The following HSDL2 variants were observed in gnomAD, a reference collection of about 807,000 sequenced individuals.
HSDL2 encodes hydroxysteroid dehydrogenase-like protein 2.
In HSDL2, 27 loss-of-function variants were observed where a neutral mutation model predicts 46.3. The observed-to-expected ratio is 0.58, with a 90% confidence interval of 0.43 to 0.80. The LOEUF (loss-of-function observed/expected upper bound fraction) is 0.80, where lower values mean the gene tolerates loss of function less well. HSDL2 is among the 30% of genes least tolerant of loss of function. HSDL2 has a pLI of 0.00. For missense variants in HSDL2, 451 were observed against 502.7 expected (o/e 0.90, Z 0.98); for synonymous variants, 153 against 163.6 (o/e 0.94, Z 0.50).
intron 10 of HSDL2, among the ~76,000 whole-genome samples, chr9:112,464,543 G>C (rs536485966): frequency 1.3e-5 from 2 of 152,056 alleles, no homozygotes; most frequent in South Asian, 4.2e-4. Flanking sequence ...CCTGTTTCTG[G>C]TATATATAGC....
Position 112,438,416 on chromosome 9 carries a change from G to GTT in HSDL2, c.599-14_599-13insTT. 1 of 1,530,318 alleles carries GTT rather than the reference G, an allele frequency of 6.5e-7. No individual in the cohort carries two copies. The highest frequency in any genetic ancestry group is 2.3e-5 in the East Asian group (1 of 43,050). 94.8% of individuals were successfully genotyped at this position (1,530,318 alleles called of 1,614,324 possible). A position where few individuals can be genotyped will look rare whatever the true frequency, so the allele number is the denominator to read the frequency against. Reference sequence around the variant, plus strand: ...TGGAGTTATGAGTGTATGTGTGTGTGTGTTTTCTCTACAGCCATACACACT... The same window carrying GTT: ...TGGAGTTATGAGTGTATGTGTGTGTGTTTGTTTTCTCTACAGCCATACACACT... On this transcript the variant is annotated splice_polypyrimidine_tract_variant and intron_variant, in intron 6 of 10. Transcript: ENST00000398805.
intron 2 of HSDL2, among the ~76,000 whole-genome samples, chr9:112,405,261 A>G (rs993342980): frequency 5.3e-5 from 8 of 152,168 alleles, no homozygotes; most frequent in Non-Finnish European, 8.8e-5. Flanking sequence ...CTGAGGTGGG[A>G]GGATCCTTTG....
chr9:112,429,135 G>A (rs1396882433), intron 6 of HSDL2, among the ~76,000 whole-genome samples: 18 of 152,212 alleles, frequency 1.2e-4, no homozygotes, highest in African/African-American at 4.3e-4. Context: ...CTGACCTTAG[G>A]AGATCTGCCT....
intron 1 of HSDL2, among the ~76,000 whole-genome samples, chr9:112,391,841 G>C (rs983278365): frequency 6.6e-6 from 1 of 150,388 alleles, no homozygotes; most frequent in African/African-American, 2.5e-5. Context: ...GGAGGTGGAG[G>C]TTGCAGTGAG....
rs755898296 is a variant in HSDL2, at chr9:112,450,260, C to CG, written c.866-3753_866-3752insG. ...GCCTGGGCAACATAGCGAGACCCCCCCCCCATCTCTACCAATAGAAAAAAA... is the reference window on the plus strand; with the variant it reads ...GCCTGGGCAACATAGCGAGACCCCCCGCCCCATCTCTACCAATAGAAAAAAA... On this transcript the variant is annotated intron_variant, in intron 8 of 10. Coordinates refer to ENST00000398805, the MANE Select transcript of HSDL2 (RefSeq NM_032303.5). Among the ~76,000 whole-genome samples the CG allele has an allele frequency of 3.7e-4, 5 of 13,634 alleles. 1 individual carries two copies. Among genetic ancestry groups the CG allele is most frequent in the African/African-American group, 1.6e-3 (3 of 1,930 alleles). 8.9% of individuals were successfully genotyped at this position (13,634 alleles called of 152,430 possible).
At chr9:112,464,241 C>T (rs1048860107) in intron 10 of HSDL2, among the ~76,000 whole-genome samples, 1 of 45,504 alleles carries the variant, frequency 2.2e-5, no homozygotes, top group Non-Finnish European at 4.4e-5. Context: ...CACACACACA[C>T]ACACACACAC....
chr9:112,394,181 T>G (rs1286368468), intron 1 of HSDL2, among the ~76,000 whole-genome samples: 1 of 152,014 alleles, frequency 6.6e-6, no homozygotes, highest in Non-Finnish European at 1.5e-5. Context: ...GGGGTGGTAG[T>G]GGGGACAACA....
rs540071155 is a variant in HSDL2, at chr9:112,401,249, C to T, written c.18-2746C>T. The stretch of plus-strand genomic sequence containing the variant: ...AGCCAAGGCAGGAGGATCGCTTGAG[C>T]CCAGTTCAAGACCAACCTGGGTGAC... On this transcript the variant is annotated intron_variant, in intron 1 of 10. Coordinates refer to ENST00000398805, the MANE Select transcript of HSDL2 (RefSeq NM_032303.5). Among the ~76,000 whole-genome samples, 30 of 152,004 alleles carry T rather than the reference C, an allele frequency of 2.0e-4. No homozygotes were observed. The South Asian group carries it at 6.0e-3, about 30-fold the overall frequency.
intron 1 of HSDL2, among the ~76,000 whole-genome samples, chr9:112,399,591 A>G (rs575901282): frequency 3.3e-5 from 5 of 152,318 alleles, no homozygotes; most frequent in African/African-American, 1.2e-4. Flanking sequence ...TCTCAACTGC[A>G]TAAGACAGAC....
At chr9:112,380,647 TGG>T (rs2132579501) in intron 1 of HSDL2, among the ~76,000 whole-genome samples, 1 of 152,194 alleles carries the variant, frequency 6.6e-6, no homozygotes. Flanking sequence ...TCTTAAAACA[TGG>T]GTATCTTTGG....
chr9:112,412,830 G>T (rs1388655408), intron 4 of HSDL2, among the ~76,000 whole-genome samples: 1 of 152,114 alleles, frequency 6.6e-6, no homozygotes, highest in Non-Finnish European at 1.5e-5. Flanking sequence ...CAGACCAGGT[G>T]GGGTGGCTCA....
intron 4 of HSDL2, among the ~76,000 whole-genome samples, chr9:112,415,261 A>G (rs957489550): frequency 3.3e-5 from 5 of 152,230 alleles, no homozygotes; most frequent in African/African-American, 7.2e-5. Context: ...TACAGTTCCA[A>G]TGTAGTAGAA....
At chr9:112,433,461 C>T (rs1832452727) in intron 6 of HSDL2, among the ~76,000 whole-genome samples, 2 of 152,000 alleles carry the variant, frequency 1.3e-5, no homozygotes, top group African/African-American at 4.8e-5. Flanking sequence ...AGTGGAGAGC[C>T]ACTGAAGAAT....
chr9:112,459,439 A>C lies in HSDL2; in HGVS notation c.1016-10A>C, dbSNP rs781433960. On this transcript the variant is annotated splice_polypyrimidine_tract_variant and intron_variant, in intron 9 of 10. Coordinates refer to ENST00000398805, the MANE Select transcript of HSDL2 (RefSeq NM_032303.5). Reference sequence around the variant, plus strand: ...CTATGACATTGATTTCTATATGTTTATCTCTCTAGGTGAAGATGGTGGCAC... The same window carrying C: ...CTATGACATTGATTTCTATATGTTTCTCTCTCTAGGTGAAGATGGTGGCAC... 51 of 1,613,268 alleles carry C rather than the reference A, an allele frequency of 3.2e-5. No homozygotes were observed. The highest frequency in any genetic ancestry group is 3.6e-5 in the Non-Finnish European group (43 of 1,179,478).
chr9:112,396,358 C>T (rs769022393), intron 1 of HSDL2, among the ~76,000 whole-genome samples: 1 of 152,120 alleles, frequency 6.6e-6, no homozygotes, highest in African/African-American at 2.4e-5. Flanking sequence ...GAAACATCAG[C>T]CCTAGTATCT....
At chr9:112,417,232 C>T (rs2132641127) in intron 5 of HSDL2, among the ~76,000 whole-genome samples, 1 of 152,172 alleles carries the variant, frequency 6.6e-6, no homozygotes, top group South Asian at 2.1e-4. Context: ...AGATTTTTAC[C>T]ATTTCAGAAA....
In HSDL2 at chr9:112,398,432, C is replaced by T. The variant is rs556522619; in HGVS notation, c.18-5563C>T. 2.0e-5 allele frequency among the ~76,000 whole-genome samples: 3 copies of T among 151,920 alleles called. No individual in the cohort carries two copies. The South Asian group carries it at 6.3e-4, about 32-fold the overall frequency. Reference sequence around the variant, plus strand: ...GGTCCTGGGCTGTCCAAGTCGGGTCCGTGGGAGCTACAAGTACCGGCTCCT... The same window carrying T: ...GGTCCTGGGCTGTCCAAGTCGGGTCTGTGGGAGCTACAAGTACCGGCTCCT... On this transcript the variant is annotated intron_variant, in intron 1 of 10. Transcript: ENST00000398805.
At chr9:112,387,909 AG>A (rs1378016159) in intron 1 of HSDL2, among the ~76,000 whole-genome samples, 1 of 152,166 alleles carries the variant, frequency 6.6e-6, no homozygotes, top group Admixed American at 6.6e-5. Context: ...TTGTAATCCC[AG>A]CACTTTGCAA....
intron 1 of HSDL2, among the ~76,000 whole-genome samples, chr9:112,383,328 A>G (rs1831141335): frequency 6.6e-6 from 1 of 152,000 alleles, no homozygotes; most frequent in Non-Finnish European, 1.5e-5. Context: ...CTGACTCGGC[A>G]TCCCAACATG....
Sources: gnomAD v4.1 joint callset for allele counts (sites outside exome capture counted in the v4.1 genomes callset) on GRCh38, gnomAD v4.1.1 for gene constraint, MANE v1.5 for transcripts, NCBI Gene and HGNC (gene_info 2026-07-23, HGNC 2026-07-21) for gene names.